Variants in PPT2 observed in about 807,000 individuals in gnomAD.
The protein encoded by PPT2 is palmitoyl-protein thioesterase 2, also known as lysosomal thioesterase PPT2.
Under a neutral mutation model 37.3 loss-of-function variants are expected in PPT2, and 20 were observed. The observed-to-expected ratio is 0.54, with a 90% CI of 0.38 to 0.78. The LOEUF (loss-of-function observed/expected upper bound fraction) is 0.78, where lower values mean the gene tolerates loss of function less well. Among genes scored for constraint, PPT2 ranks in the 30% least tolerant of loss-of-function variants. The probability of loss-of-function intolerance (pLI) is 0.00; values close to 1 mark genes in which losing one functional copy is unlikely to be tolerated. For synonymous variants in PPT2, 135 were observed against 159.1 expected (o/e 0.85, Z 1.14); for missense variants, 270 against 389.8 (o/e 0.69, Z 2.59).
upstream of PPT2, chr6:32,154,032 T>C (rs553025838): frequency 2.7e-5 from 31 of 1,168,654 alleles, no homozygotes; most frequent in Admixed American, 1.3e-3. This position sits in a 1 kb window ranked among gnomAD's most constrained non-coding sequence, Gnocchi z 7.3. Context: ...CCATTGCCCC[T>C]CCTGTCCTGG....
At position 32,155,924 on chromosome 6, in the gene PPT2, C is replaced by G; in HGVS notation, c.487C>G (p.Arg163Gly). Residue 163 changes from arginine to glycine, a missense_variant, in exon 5 of 9, where the codon CGG (arginine) becomes GGG (glycine). By Grantham distance (125) the Arg-to-Gly change is moderately radical (BLOSUM62 -2). Coordinates refer to ENST00000324816, the MANE Select transcript of PPT2 (RefSeq NM_005155.7). This position sits in a 1 kb window ranked among gnomAD's most constrained non-coding sequence, Gnocchi z 4.3. ...CACCTCCATGCGGTCTAACCTCTAT[C>G]GGATCTGCTATAGCCCCTGGGGCCA... ...FPTSMRSNLY[R>G]ICYSPWGQEF... 1 of 1,614,096 alleles carries G rather than the reference C, an allele frequency of 6.2e-7. No homozygotes were observed. The highest frequency in any genetic ancestry group is 8.5e-7 in the Non-Finnish European group (1 of 1,180,020).
At chr6:32,158,771 G>A (rs1345816725) in intron 7 of PPT2, among the ~76,000 whole-genome samples, 1 of 152,146 alleles carries the variant, frequency 6.6e-6, no homozygotes, top group East Asian at 1.9e-4. Flanking sequence ...AAGTGAAGGA[G>A]GGAGTTGTGC....
rs1252158446 is a variant in PPT2, at chr6:32,154,606, C to T, written c.12C>T (p.Leu4=). Residue 4 remains leucine (L), a synonymous_variant, in exon 2 of 9, where the codon CTC becomes CTT. Transcript: ENST00000324816. This position sits in a 1 kb window ranked among gnomAD's most constrained non-coding sequence, Gnocchi z 7.3. ...TCTCAGGCGGGAGCATGCTGGGGCT[C>T]TGCGGGCAGCGGCTCCCCGCGGCGT... MLG[L]CGQRLPAAWV... 1.9e-6 allele frequency: 3 copies of T among 1,611,348 alleles called. No individual in the cohort carries two copies. Among genetic ancestry groups the T allele is most frequent in the Non-Finnish European group, 2.5e-6 (3 of 1,179,178 alleles).
At chr6:32,153,573 G>C (rs1696082873), upstream of PPT2, 1 of 1,573,784 alleles carries the variant, frequency 6.4e-7, no homozygotes. The surrounding 1 kb of genome is among the most constrained non-coding windows in gnomAD (Gnocchi z 4.4). Flanking sequence ...TAGCTCAAGG[G>C]GCCTCGAGGA....
rs757806824 is a variant in PPT2, at chr6:32,161,589, TC to T, written c.711-978del. ...CAGGCATGAGCCACCACACCTGGCC[TC>T]TTTTTTTTTTTTTTTTGAGACAAAG... On this transcript the variant is annotated intron_variant, in intron 7 of 8. Coordinates refer to ENST00000324816, the MANE Select transcript of PPT2 (RefSeq NM_005155.7). Among the ~76,000 whole-genome samples, 9 of 80,860 alleles carry T rather than the reference TC, an allele frequency of 1.1e-4. 2 individuals carry two copies. The highest frequency in any genetic ancestry group is 1.1e-4 in the Admixed American group (1 of 8,970). The allele number at this position is 80,860 out of a possible 152,430, so 53.0% of individuals were successfully genotyped here.
Position 32,155,274 on chromosome 6 carries a change from C to T in PPT2, c.337+91C>T, listed in dbSNP as rs535324719. Reference sequence around the variant, plus strand: ...CTTCCTAGCGTCCCTTTTTCTGAACCACATTGCTCCAGGCACAACCCTGGT... The same window carrying T: ...CTTCCTAGCGTCCCTTTTTCTGAACTACATTGCTCCAGGCACAACCCTGGT... On this transcript the variant is annotated intron_variant, in intron 3 of 8. Coordinates refer to ENST00000324816, the MANE Select transcript of PPT2 (RefSeq NM_005155.7). The surrounding 1 kb of genome is among the most constrained non-coding windows in gnomAD (Gnocchi z 4.3). 2.2e-4 allele frequency: 313 copies of T among 1,452,086 alleles called. 6 individuals carry two copies. The South Asian group carries it at 3.6e-3, about 16-fold the overall frequency. The allele number at this position is 1,452,086 out of a possible 1,614,324, so 90.0% of individuals were successfully genotyped here.
At chr6:32,153,708 T>G (rs1783510530), upstream of PPT2, 9 of 1,537,026 alleles carry the variant, frequency 5.9e-6, no homozygotes, top group African/African-American at 1.4e-5. This position sits in a 1 kb window ranked among gnomAD's most constrained non-coding sequence, Gnocchi z 4.4. Context: ...CGGGCTGGCA[T>G]CAGCCCTCCA....
At position 32,156,734 on chromosome 6, in the gene PPT2, T is replaced by G. The variant is rs544601585; in HGVS notation, c.541+756T>G. Among the ~76,000 whole-genome samples, 1 of 152,322 alleles carries G rather than the reference T, an allele frequency of 6.6e-6. No individual in the cohort carries two copies. The highest frequency in any genetic ancestry group is 2.1e-4 in the South Asian group (1 of 4,824). ...GAATCTTGACCCTATTGGGTGCCTTTGGGCAAGTTACTTAACCATTCTGTT... is the reference window on the plus strand; with the variant it reads ...GAATCTTGACCCTATTGGGTGCCTTGGGGCAAGTTACTTAACCATTCTGTT... On this transcript the variant is annotated intron_variant, in intron 5 of 8. Transcript: ENST00000324816. The surrounding 1 kb of genome is among the most constrained non-coding windows in gnomAD (Gnocchi z 4.9).
chr6:32,155,417 A>G lies in PPT2; in HGVS notation c.337+234A>G, dbSNP rs1783700902. On this transcript the variant is annotated intron_variant, in intron 3 of 8. Coordinates refer to ENST00000324816, the MANE Select transcript of PPT2 (RefSeq NM_005155.7). The surrounding 1 kb of genome is among the most constrained non-coding windows in gnomAD (Gnocchi z 4.3). The stretch of plus-strand genomic sequence containing the variant: ...TTCCTGTTACCCATGGTTCTTGGAC[A>G]TAAGGGCTAATGGGGCAGGTAAAAA... 6.6e-6 allele frequency among the ~76,000 whole-genome samples: 1 copy of G among 152,156 alleles called. No homozygotes were observed. The highest frequency in any genetic ancestry group is 2.4e-5 in the African/African-American group (1 of 41,424).
Position 32,155,912 on chromosome 6 carries a change from T to C in PPT2, c.475T>C (p.Ser159Pro), listed in dbSNP as rs1248496149. Residue 159 changes from serine (S) to proline (P), a missense_variant, in exon 5 of 9, where the codon TCT becomes CCT. By Grantham distance (74) the Ser-to-Pro change is moderately conservative. Transcript: ENST00000324816. This position sits in a 1 kb window ranked among gnomAD's most constrained non-coding sequence, Gnocchi z 4.3. Reference sequence around the variant, plus strand: ...GTGGCTGTTCCCCACCTCCATGCGGTCTAACCTCTATCGGATCTGCTATAG... The same window carrying C: ...GTGGCTGTTCCCCACCTCCATGCGGCCTAACCTCTATCGGATCTGCTATAG... ...LKWLFPTSMRSNLYRICYSPW... is the reference protein window; with the variant it reads ...LKWLFPTSMRPNLYRICYSPW... 1 of 1,614,074 alleles carries C rather than the reference T, an allele frequency of 6.2e-7. No homozygotes were observed.
At chr6:32,160,292 G>A (rs1784070020) in intron 7 of PPT2, among the ~76,000 whole-genome samples, 1 of 151,384 alleles carries the variant, frequency 6.6e-6, no homozygotes, top group South Asian at 2.1e-4. Flanking sequence ...TGATCCACCC[G>A]CCTCGGCCTC....
chr6:32,159,911 G>A (rs1355423306), intron 7 of PPT2, among the ~76,000 whole-genome samples: 1 of 151,736 alleles, frequency 6.6e-6, no homozygotes, highest in Non-Finnish European at 1.5e-5. Context: ...TGGTAGAGAC[G>A]GGGTTTCACT....
Position 32,162,032 on chromosome 6 carries a change from G to T in PPT2, c.711-536G>T, listed in dbSNP as rs1183565401. Reference sequence around the variant, plus strand: ...CTCGCCCGGCCAGTAATGCATTTTTGATGGGGTTTCTACAGAAGTGAGGTC... The same window carrying T: ...CTCGCCCGGCCAGTAATGCATTTTTTATGGGGTTTCTACAGAAGTGAGGTC... On this transcript the variant is annotated intron_variant, in intron 7 of 8. Transcript: ENST00000324816. This position sits in a 1 kb window ranked among gnomAD's most constrained non-coding sequence, Gnocchi z 5.5. Among the ~76,000 whole-genome samples, 2 of 151,688 alleles carry T rather than the reference G, an allele frequency of 1.3e-5. No individual in the cohort carries two copies. Among genetic ancestry groups the T allele is most frequent in the African/African-American group, 4.8e-5 (2 of 41,270 alleles).
At chr6:32,161,018 A>G (rs561183429) in intron 7 of PPT2, among the ~76,000 whole-genome samples, 1 of 151,954 alleles carries the variant, frequency 6.6e-6, no homozygotes, top group African/African-American at 2.4e-5. Context: ...CCAAAATAGC[A>G]AAAAGCAGTC....
chr6:32,158,032 G>T, intron 7 of PPT2, 108 bp downstream of exon 7: 1 of 946,982 alleles, frequency 1.1e-6, no homozygotes, highest in Non-Finnish European at 1.6e-6. Flanking sequence ...TTCAGTTAGT[G>T]CTCCTCCCCC....
Position 32,162,600 on chromosome 6 carries a change from TC to T in PPT2, c.745del (p.Leu249TrpfsTer16). 6.2e-7 allele frequency: 1 copy of T among 1,611,338 alleles called. No homozygotes were observed. Among genetic ancestry groups the T allele is most frequent in the Non-Finnish European group, 8.5e-7 (1 of 1,177,420 alleles). On this transcript the variant is annotated frameshift_variant, in exon 8 of 9. Transcript: ENST00000324816. LOFTEE classifies it high-confidence loss of function. This position sits in a 1 kb window ranked among gnomAD's most constrained non-coding sequence, Gnocchi z 5.5. ...GGTTTCTATGATGCAAATGAGACCG[TC>T]CTGGAGATGGAGGAGCAACTGGTGA... is the stretch of plus-strand genomic sequence containing the variant. ...FFGFYDANET[V>X]LEMEEQLVYL...
Position 32,155,887 on chromosome 6 carries a change from G to A in PPT2, c.450G>A (p.Lys150=). 2 of 1,614,038 alleles carry A rather than the reference G, an allele frequency of 1.2e-6. No individual in the cohort carries two copies. The highest frequency in any genetic ancestry group is 1.7e-6 in the Non-Finnish European group (2 of 1,180,002). Residue 150 remains lysine (K), a synonymous_variant, in exon 5 of 9, where the codon AAG becomes AAA. Transcript: ENST00000324816. The surrounding 1 kb of genome is among the most constrained non-coding windows in gnomAD (Gnocchi z 4.3). ...GCTTGCCAGACACGGACTACTTGAA[G>A]TGGCTGTTCCCCACCTCCATGCGGT... ...MGQYGDTDYL[K]WLFPTSMRSN...
chr6:32,158,199 A>G (rs1371382371), intron 7 of PPT2: 1 of 424,458 alleles, frequency 2.4e-6, no homozygotes, highest in Non-Finnish European at 4.2e-6. Flanking sequence ...TTATAGATTC[A>G]TAGGAAATTG....
At position 32,163,166 on chromosome 6, in the gene PPT2, A is replaced by C; in HGVS notation, c.*216A>C. 5.2e-6 allele frequency: 3 copies of C among 576,814 alleles called. No individual in the cohort carries two copies. Among genetic ancestry groups the C allele is most frequent in the Non-Finnish European group, 3.0e-6 (1 of 330,662 alleles). 35.7% of individuals were successfully genotyped at this position (576,814 alleles called of 1,614,324 possible). On this transcript the variant is annotated 3_prime_UTR_variant, in exon 9 of 9. Transcript: ENST00000324816. ...GACAATTCCAGGCCTCCCCTACCTC[A>C]TGTCCTCTCATTTGGGGGATTGCTC...
Sources: gnomAD v4.1 joint callset for allele counts (sites outside exome capture counted in the v4.1 genomes callset) on GRCh38, gnomAD v4.1.1 for gene constraint, Gnocchi (gnomAD v3.1) non-coding constraint, MANE v1.5 for transcripts, NCBI Gene and HGNC (gene_info 2026-07-23, HGNC 2026-07-21) for gene names.